TXNDC16: variants seen among roughly 807,000 people sequenced by gnomAD.
TXNDC16 encodes the protein thioredoxin domain containing 16.
TXNDC16 carries 74 observed loss-of-function variants against 85.6 expected under a neutral mutation model. The ratio of observed to expected loss-of-function variants is 0.86; its 90% CI spans 0.72 to 1.05. The LOEUF (loss-of-function observed/expected upper bound fraction) is 1.05. Among genes scored for constraint, TXNDC16 ranks in the 50% least tolerant of loss-of-function variants. The pLI is 0.00. For synonymous variants in TXNDC16, 335 were observed against 326.5 expected, an observed-to-expected ratio of 1.03 and a Z score of -0.28; for missense variants, 959 against 947.0, an observed-to-expected ratio of 1.01 and a Z score of -0.17.
intron 17 of TXNDC16, among the ~76,000 whole-genome samples, chr14:52,456,153 C>A (rs1175593832): frequency 1.3e-5 from 2 of 152,098 alleles, no homozygotes; most frequent in Non-Finnish European, 2.9e-5. Flanking sequence ...TTAATTCATG[C>A]CAGAACAAAG....
chr14:52,530,398 TA>T (rs1388689623), intron 6 of TXNDC16, among the ~76,000 whole-genome samples: 16 of 22,924 alleles, frequency 7.0e-4, no homozygotes, highest in African/African-American at 4.6e-3. Flanking sequence ...TATTATAATA[TA>T]ATATATAATT....
chr14:52,507,371 C>T (rs2036837104), intron 9 of TXNDC16, among the ~76,000 whole-genome samples: 1 of 151,824 alleles, frequency 6.6e-6, no homozygotes, highest in Non-Finnish European at 1.5e-5. Flanking sequence ...TGTGAAGGAC[C>T]TCTTCAAGGA....
chr14:52,493,828 G>C (rs938298773), intron 9 of TXNDC16, among the ~76,000 whole-genome samples: 5 of 151,898 alleles, frequency 3.3e-5, no homozygotes, highest in Non-Finnish European at 7.4e-5. Flanking sequence ...ACCCAGGCTG[G>C]AGTGCAGTGT....
intron 1 of TXNDC16, among the ~76,000 whole-genome samples, chr14:52,548,469 G>A (rs182238892): frequency 7.7e-4 from 117 of 152,158 alleles, no homozygotes; most frequent in African/African-American, 2.8e-3. Flanking sequence ...ATTCCTTCTG[G>A]GAGGCAGACG....
intron 16 of TXNDC16, chr14:52,462,900 T>C (rs2035684689): frequency 6.6e-6 from 3 of 455,054 alleles, no homozygotes; most frequent in Non-Finnish European, 1.3e-5. Context: ...ATTAAGGATC[T>C]CATTTTTATG....
chr14:52,517,278 G>T lies in TXNDC16; in HGVS notation c.514+1894C>A, dbSNP rs915291405. Among the ~76,000 whole-genome samples, 166 of 152,222 alleles carry T rather than the reference G, an allele frequency of 1.1e-3. 1 individual carries two copies. Among genetic ancestry groups the T allele is most frequent in the Non-Finnish European group, 5.7e-4 (39 of 68,010 alleles). On this transcript the variant is annotated intron_variant, in intron 7 of 20. Transcript: ENST00000281741. ...TCCAGGTTAACTCAGTGCTCAGCCT[G>T]TTCAATACTTACAGCTGCAAAAGGA...
intron 9 of TXNDC16, among the ~76,000 whole-genome samples, chr14:52,499,241 G>C (rs1185423287): frequency 5.3e-5 from 8 of 152,062 alleles, no homozygotes; most frequent in African/African-American, 1.7e-4. Context: ...AGGGGGAAAA[G>C]TTTCATGACA....
At chr14:52,514,160 G>T (rs184487641) in intron 8 of TXNDC16, among the ~76,000 whole-genome samples, 26 of 152,166 alleles carry the variant, frequency 1.7e-4, no homozygotes, top group Middle Eastern at 3.4e-3. Flanking sequence ...TTATCAGTTT[G>T]CTATGCCCTA....
intron 9 of TXNDC16, among the ~76,000 whole-genome samples, chr14:52,507,319 T>A (rs11157915): frequency 0.4 from 60,729 of 151,658 alleles, 12,504 homozygotes; most frequent in East Asian, 0.53. Context: ...TCACAATTGC[T>A]TCAAAGAGAA....
At chr14:52,537,521 T>C (rs2037730901) in intron 5 of TXNDC16, 78 bp downstream of exon 5, 6 of 1,067,590 alleles carry the variant, frequency 5.6e-6, no homozygotes, top group African/African-American at 3.1e-5. Context: ...TTATTCTAGC[T>C]CAGTGATATT....
chr14:52,456,722 C>T (rs759703604), intron 17 of TXNDC16, among the ~76,000 whole-genome samples: 4 of 152,212 alleles, frequency 2.6e-5, no homozygotes, highest in African/African-American at 9.6e-5. Context: ...TATACACACA[C>T]GTACCCACTC....
At chr14:52,446,707 C>CT (rs1019570989) in intron 18 of TXNDC16, among the ~76,000 whole-genome samples, 2 of 152,152 alleles carry the variant, frequency 1.3e-5, no homozygotes, top group African/African-American at 4.8e-5. Context: ...CTGGGAAAGA[C>CT]TTTGTCTTGC....
At chr14:52,499,843 C>T (rs563239118) in intron 9 of TXNDC16, among the ~76,000 whole-genome samples, 47 of 151,980 alleles carry the variant, frequency 3.1e-4, no homozygotes, top group Non-Finnish European at 5.4e-4. Flanking sequence ...TATACCTACA[C>T]GCTCCATCTT....
In TXNDC16 at chr14:52,514,921, T is replaced by G. The variant is rs1288114810; in HGVS notation, c.564A>C (p.Gln188His). The part of the protein sequence containing the change: ...EAAFVYGTTY[Q>H]FVLTTEIALL... Reference sequence around the variant, plus strand: ...GGGCAATTTCTGTGGTTAAGACAAATTGGTATGTAGTCCCATACACAAAAG... The same window carrying G: ...GGGCAATTTCTGTGGTTAAGACAAAGTGGTATGTAGTCCCATACACAAAAG... Residue 188 changes from glutamine to histidine, a missense_variant, in exon 8 of 21, where the codon CAA becomes CAC. Coordinates refer to ENST00000281741, the MANE Select transcript of TXNDC16 (RefSeq NM_020784.3). The G allele has an allele frequency of 2.5e-6, 4 of 1,612,838 alleles. No homozygotes were observed. The highest frequency in any genetic ancestry group is 2.5e-6 in the Non-Finnish European group (3 of 1,179,192).
intron 12 of TXNDC16, among the ~76,000 whole-genome samples, chr14:52,483,640 G>A (rs781782207): frequency 6.6e-6 from 1 of 152,176 alleles, no homozygotes; most frequent in East Asian, 1.9e-4. Context: ...TAGATCATAA[G>A]AGGTCACATG....
At chr14:52,515,505 T>A (rs1034495003) in intron 7 of TXNDC16, among the ~76,000 whole-genome samples, 1 of 151,738 alleles carries the variant, frequency 6.6e-6, no homozygotes, top group African/African-American at 2.4e-5. Flanking sequence ...TCTGGGTTAG[T>A]TTTTTTTAAT....
intron 6 of TXNDC16, among the ~76,000 whole-genome samples, chr14:52,530,296 AT>A (rs2037487589): frequency 4.3e-5 from 2 of 46,502 alleles, no homozygotes; most frequent in African/African-American, 9.5e-5. Flanking sequence ...ATTATTATAT[AT>A]AATATTAATA....
intron 18 of TXNDC16, among the ~76,000 whole-genome samples, chr14:52,449,820 A>G (rs1485276953): frequency 2.0e-5 from 3 of 152,186 alleles, no homozygotes; most frequent in Admixed American, 1.3e-4. Flanking sequence ...CTATACAAAC[A>G]CATGGAAATT....
At chr14:52,511,179 A>G in intron 9 of TXNDC16, 61 bp downstream of exon 9, 3 of 1,349,492 alleles carry the variant, frequency 2.2e-6, no homozygotes, top group Non-Finnish European at 2.9e-6. Context: ...AATAAGACAC[A>G]TACCTTTTGC....
Sources: gnomAD v4.1 joint callset for allele counts (sites outside exome capture counted in the v4.1 genomes callset) on GRCh38, gnomAD v4.1.1 for gene constraint, MANE v1.5 for transcripts, NCBI Gene and HGNC (gene_info 2026-07-23, HGNC 2026-07-21) for gene names.